The following TAMM41 variants were observed in gnomAD, a reference collection of about 807,000 sequenced individuals.
TAMM41 encodes phosphatidate cytidylyltransferase, mitochondrial.
A neutral mutation model predicts 44.1 loss-of-function variants in TAMM41; 36 were observed. The observed-to-expected ratio is 0.82, with a 90% CI of 0.63 to 1.08. The LOEUF is 1.08. Among genes scored for constraint, TAMM41 ranks in the 50% least tolerant of loss-of-function variants. The pLI, the probability that TAMM41 is intolerant of heterozygous loss-of-function variation, is 0.00. For synonymous variants in TAMM41, 164 were observed against 153.1 expected, an observed-to-expected ratio of 1.07 and a Z score of -0.53; for missense variants, 417 against 404.3, an observed-to-expected ratio of 1.03 and a Z score of -0.27.
the TAMM41 span, among the ~76,000 whole-genome samples, chr3:11,756,722 G>T: frequency 2.6e-5 from 4 of 152,060 alleles, no homozygotes; most frequent in Admixed American, 2.6e-4. Context: ...AAAATTAGCT[G>T]GGCGTGGTGG....
the TAMM41 span, among the ~76,000 whole-genome samples, chr3:11,754,886 G>A: frequency 5.9e-5 from 9 of 151,816 alleles, no homozygotes; most frequent in Non-Finnish European, 1.0e-4. Flanking sequence ...TTTTAGTAGA[G>A]ACAGGGTTTC....
In TAMM41 at chr3:11,820,950, G is replaced by A. The variant is rs141653963; in HGVS notation, c.563-3613C>T. On this transcript the variant is annotated intron_variant, in intron 4 of 7. Coordinates refer to ENST00000455809, the MANE Select transcript of TAMM41 (RefSeq NM_001284401.2). ...GACCTCATTACAAGTATGCAGATGTGAAGGGCTGCACAGTACAGCGGCAAG... is the reference window on the plus strand; with the variant it reads ...GACCTCATTACAAGTATGCAGATGTAAAGGGCTGCACAGTACAGCGGCAAG... Among the ~76,000 whole-genome samples, 408 of 152,330 alleles carry A rather than the reference G, an allele frequency of 2.7e-3. 3 individuals are homozygous for A. Among genetic ancestry groups the A allele is most frequent in the African/African-American group, 9.3e-3 (388 of 41,574 alleles).
Position 11,823,254 on chromosome 3 carries a change from G to GTT in TAMM41, c.563-5919_563-5918dup, listed in dbSNP as rs912198535. 2.5e-3 allele frequency among the ~76,000 whole-genome samples: 322 copies of GTT among 126,716 alleles called. 2 individuals carry two copies. Among genetic ancestry groups the GTT allele is most frequent in the African/African-American group, 7.0e-3 (245 of 35,056 alleles). 83.1% of individuals were successfully genotyped at this position (126,716 alleles called of 152,430 possible). The stretch of plus-strand genomic sequence containing the variant: ...TTTTCATTGTTTTGTTGTTGTTGTT[G>GTT]TTTTTTTTTTTTTTTTTTTGAGACA... On this transcript the variant is annotated intron_variant, in intron 4 of 7. Transcript: ENST00000455809.
chr3:11,818,880 G>T (rs1451137825), intron 4 of TAMM41, among the ~76,000 whole-genome samples: 2 of 138,318 alleles, frequency 1.4e-5, no homozygotes, highest in African/African-American at 5.7e-5. Flanking sequence ...CCTGGGTGAT[G>T]AAGCAAGACT....
the TAMM41 span, among the ~76,000 whole-genome samples, chr3:11,772,910 C>T: frequency 2.6e-5 from 4 of 152,150 alleles, no homozygotes; most frequent in Non-Finnish European, 5.9e-5. Flanking sequence ...GATTAAGTAA[C>T]TTGCCTGCTG....
At chr3:11,828,667 T>C (rs2078860123) in intron 4 of TAMM41, among the ~76,000 whole-genome samples, 1 of 152,220 alleles carries the variant, frequency 6.6e-6, no homozygotes, top group Non-Finnish European at 1.5e-5. Flanking sequence ...GCAGGGAGGC[T>C]GCCAGGTGAA....
At chr3:11,824,654 C>CTATA (rs1382656856) in intron 4 of TAMM41, among the ~76,000 whole-genome samples, 3 of 152,092 alleles carry the variant, frequency 2.0e-5, no homozygotes, top group Non-Finnish European at 4.4e-5. Context: ...CTCAGGTTCA[C>CTATA]TATATTGGTT....
chr3:11,828,129 G>A (rs2078833937), intron 4 of TAMM41, among the ~76,000 whole-genome samples: 1 of 152,158 alleles, frequency 6.6e-6, no homozygotes, highest in South Asian at 2.1e-4. Context: ...TACAACACTG[G>A]GTTCTCAGAA....
At chr3:11,730,056 A>T in the TAMM41 span, among the ~76,000 whole-genome samples, 1 of 151,990 alleles carries the variant, frequency 6.6e-6, no homozygotes, top group African/African-American at 2.4e-5. Flanking sequence ...CACTAAATTC[A>T]CCCAGAAAAG....
rs571239804 is a variant in TAMM41 at position 11,796,116 on chromosome 3, A to G, written c.938-5535T>C. On this transcript the variant is annotated intron_variant, in intron 7 of 7. Transcript: ENST00000455809. ...TGGTCAGGGAATTTCAAGGGAACTA[A>G]TAAAGACAAAGCATCAGTGAGACTG... 2.0e-5 allele frequency among the ~76,000 whole-genome samples: 3 copies of G among 152,350 alleles called. No individual in the cohort carries two copies. In the East Asian group the frequency reaches 5.8e-4, roughly 29 times the overall value.
At chr3:11,802,537 G>A (rs1376386889) in intron 7 of TAMM41, among the ~76,000 whole-genome samples, 3 of 152,176 alleles carry the variant, frequency 2.0e-5, no homozygotes, top group Non-Finnish European at 4.4e-5. Flanking sequence ...TAATGTAGTA[G>A]CAAGACTGAA....
intron 1 of TAMM41, chr3:11,845,022 T>C (rs1328921158): frequency 1.3e-5 from 6 of 455,938 alleles, no homozygotes; most frequent in South Asian, 4.7e-5. Context: ...CAGGGAAGGG[T>C]AGGGAGCCGT....
chr3:11,839,197 A>ACTGT, intron 3 of TAMM41, 25 bp downstream of exon 3: 4 of 1,494,526 alleles, frequency 2.7e-6, no homozygotes, highest in Non-Finnish European at 3.7e-6. Flanking sequence ...GGCATCCTTA[A>ACTGT]CTGTGCAGCC....
chr3:11,781,230 G>C, the TAMM41 span, among the ~76,000 whole-genome samples: 1 of 152,194 alleles, frequency 6.6e-6, no homozygotes, highest in East Asian at 1.9e-4. Flanking sequence ...CAGTAGGACA[G>C]TTATACAAGG....
At chr3:11,747,229 A>G in the TAMM41 span, among the ~76,000 whole-genome samples, 5 of 151,642 alleles carry the variant, frequency 3.3e-5, no homozygotes, top group African/African-American at 1.2e-4. Flanking sequence ...TGCCTGGCTA[A>G]TTTTTGTATT....
At chr3:11,780,779 A>G in the TAMM41 span, among the ~76,000 whole-genome samples, 1 of 152,198 alleles carries the variant, frequency 6.6e-6, no homozygotes, top group Non-Finnish European at 1.5e-5. Context: ...AATTTACTTT[A>G]CTTTTCTGCA....
At chr3:11,738,020 A>T in the TAMM41 span, among the ~76,000 whole-genome samples, 1 of 152,234 alleles carries the variant, frequency 6.6e-6, no homozygotes, top group South Asian at 2.1e-4. Context: ...TAGGACAATT[A>T]AAATTGTTCC....
chr3:11,744,954 C>G, the TAMM41 span, among the ~76,000 whole-genome samples: 3 of 151,460 alleles, frequency 2.0e-5, no homozygotes, highest in Admixed American at 2.0e-4. Context: ...ACCTCCACCT[C>G]CCAGGTTCAA....
At chr3:11,766,508 T>A in the TAMM41 span, among the ~76,000 whole-genome samples, 10 of 151,822 alleles carry the variant, frequency 6.6e-5, no homozygotes, top group African/African-American at 2.4e-4. Context: ...AGAAAAGAGG[T>A]AGAGTATGTT....
Sources: gnomAD v4.1 joint callset for allele counts (sites outside exome capture counted in the v4.1 genomes callset) on GRCh38, gnomAD v4.1.1 for gene constraint, MANE v1.5 for transcripts, NCBI Gene and HGNC (gene_info 2026-07-23, HGNC 2026-07-21) for gene names.